Variants in PMM2 observed in about 807,000 individuals in gnomAD.
PMM2 encodes the protein mannose-6-phosphate isomerase.
In PMM2, 35 loss-of-function variants were observed where a neutral mutation model predicts 33.2. The ratio of observed to expected loss-of-function variants is 1.06; its 90% CI spans 0.81 to 1.40. The LOEUF is 1.40. PMM2 is among the 40% of genes most tolerant of loss of function. The pLI is 0.00. For synonymous variants in PMM2, 153 were observed against 114.7 expected, an observed-to-expected ratio of 1.33 and a Z score of -2.13; for missense variants, 386 against 306.0, an observed-to-expected ratio of 1.26 and a Z score of -1.95.
chr16:8,838,758 AATTAG>A (rs1334455728), intron 7 of PMM2, among the ~76,000 whole-genome samples: 2 of 152,080 alleles, frequency 1.3e-5, no homozygotes, highest in African/African-American at 2.4e-5. Context: ...TAGGACATCC[AATTAG>A]AGAGTGCGTA....
At chr16:8,834,801 G>A (rs1334318893) in intron 7 of PMM2, among the ~76,000 whole-genome samples, 2 of 152,180 alleles carry the variant, frequency 1.3e-5, no homozygotes, top group Non-Finnish European at 2.9e-5. Context: ...CGTGATCAGG[G>A]TGAGGAACAG....
At chr16:8,837,636 G>A (rs115208587) in intron 7 of PMM2, among the ~76,000 whole-genome samples, 4,497 of 151,830 alleles carry the variant, frequency 0.03, 206 homozygotes, top group African/African-American at 0.1. Context: ...GGATCGGGGC[G>A]CAGAGATACA....
At chr16:8,839,738 G>C (rs1174843947) in intron 7 of PMM2, among the ~76,000 whole-genome samples, 4 of 151,920 alleles carry the variant, frequency 2.6e-5, no homozygotes, top group Admixed American at 1.3e-4. Flanking sequence ...TTGGACTTTG[G>C]AGATGAAGAG....
rs531781905 is a variant in PMM2, at chr16:8,820,510, C to T, written c.639+7404C>T. Among the ~76,000 whole-genome samples, 5 of 152,182 alleles carry T rather than the reference C, an allele frequency of 3.3e-5. No individual in the cohort carries two copies. The South Asian group carries it at 6.2e-4, about 19-fold the overall frequency. ...CTGGGATTACCGGTGCCCACCACCA[C>T]GCCTGGCTAATTTTTGTATTTTTAG... On this transcript the variant is annotated intron_variant, in intron 7 of 7. Transcript: ENST00000268261.
chr16:8,825,155 C>T (rs544866700), intron 7 of PMM2, among the ~76,000 whole-genome samples: 4 of 152,076 alleles, frequency 2.6e-5, no homozygotes, highest in Admixed American at 6.6e-5. Context: ...TTCAGCCTCC[C>T]GAGTAGCTGG....
chr16:8,846,797 C>G (rs2060928522), intron 7 of PMM2, among the ~76,000 whole-genome samples: 2 of 152,222 alleles, frequency 1.3e-5, no homozygotes, highest in South Asian at 4.1e-4. Context: ...GAACCAGCAT[C>G]TGACCCAGGC....
rs201739911 is a variant in PMM2, at chr16:8,806,432, C to T, written c.347+25C>T. 3.3e-4 allele frequency: 475 copies of T among 1,420,908 alleles called. 2 individuals are homozygous for T. In the African/African-American group the frequency reaches 5.1e-3, roughly 15 times the overall value. 88.0% of individuals were successfully genotyped at this position (1,420,908 alleles called of 1,614,324 possible). A position where few individuals can be genotyped will look rare whatever the true frequency, so the allele number is the denominator to read the frequency against. On this transcript the variant is annotated intron_variant, in intron 4 of 7. Transcript: ENST00000268261. The stretch of plus-strand genomic sequence containing the variant: ...GGTGGGTTTGCTTTTAACAAAGAGG[C>T]GTCACAGGAACATAGCGTAGTGTCA...
intron 7 of PMM2, among the ~76,000 whole-genome samples, chr16:8,817,259 G>A (rs1288251923): frequency 6.6e-6 from 1 of 152,208 alleles, no homozygotes; most frequent in African/African-American, 2.4e-5. Flanking sequence ...TTGTTGAAAT[G>A]CTTTTGATGC....
intron 2 of PMM2, chr16:8,802,369 G>A (rs2060621579): frequency 2.3e-6 from 1 of 437,508 alleles, no homozygotes. Context: ...TAGGTCTGTG[G>A]AGCCTGGGAA....
intron 4 of PMM2, chr16:8,810,662 T>C (rs2060672266): frequency 3.3e-6 from 1 of 302,724 alleles, no homozygotes; most frequent in Non-Finnish European, 6.3e-6. Flanking sequence ...CTATAACCCC[T>C]ATCTCCCAGG....
At chr16:8,799,840 T>C (rs2060602909) in intron 1 of PMM2, among the ~76,000 whole-genome samples, 1 of 152,034 alleles carries the variant, frequency 6.6e-6, no homozygotes, top group Non-Finnish European at 1.5e-5. Context: ...GCCACCGTGT[T>C]CTGACTTTTA....
rs377683162 is a variant in PMM2, at chr16:8,813,102, T to C, written c.635T>C (p.Met212Thr). The C allele has an allele frequency of 1.3e-6, 2 of 1,563,908 alleles. No homozygotes were observed. The highest frequency in any genetic ancestry group is 1.8e-6 in the Non-Finnish European group (2 of 1,134,210). The part of the protein sequence containing the change: ...KTIYFFGDKT[M>T]PGGNDHEIFT... Reference sequence around the variant, plus strand: ...ATTTATTTCTTTGGAGACAAAACTATGCCAGTAAGTAGAGAAGTGTTTGTG... The same window carrying C: ...ATTTATTTCTTTGGAGACAAAACTACGCCAGTAAGTAGAGAAGTGTTTGTG... Residue 212 changes from methionine (M) to threonine (T), a missense_variant, in exon 7 of 8, where the codon ATG becomes ACG. Transcript: ENST00000268261.
chr16:8,802,108 C>A (rs536688588), intron 2 of PMM2, 198 bp downstream of exon 2: 2 of 569,104 alleles, frequency 3.5e-6, no homozygotes. Context: ...TGATGGAGAA[C>A]TGGGTACTCA....
chr16:8,800,637 T>G (rs999640475), intron 1 of PMM2, among the ~76,000 whole-genome samples: 3 of 151,786 alleles, frequency 2.0e-5, no homozygotes, highest in African/African-American at 7.3e-5. Flanking sequence ...TTTTGGGTGA[T>G]TGCAATAAAA....
At chr16:8,839,835 A>G (rs544728237) in intron 7 of PMM2, among the ~76,000 whole-genome samples, 17 of 150,320 alleles carry the variant, frequency 1.1e-4, no homozygotes, top group Non-Finnish European at 2.2e-4. Flanking sequence ...GGCCACAGGC[A>G]TAGTAGTTTG....
Position 8,804,843 on chromosome 16 carries a change from G to A in PMM2, c.255G>A (p.Gln85=), listed in dbSNP as rs115344041. 9 of 1,596,046 alleles carry A rather than the reference G, an allele frequency of 5.6e-6. No homozygotes were observed. The highest frequency in any genetic ancestry group is 2.2e-5 in the East Asian group (1 of 44,758). ...AYKDGKLLCR[Q]NIQSHLGEAL... ...AAGATGGGAAACTCTTGTGTAGACA[G>A]GTAGGTTCTTGAGTATCTGAATTAC... Residue 85 remains glutamine, a splice_region_variant and synonymous_variant, in exon 3 of 8, where the codon CAG becomes CAA. Coordinates refer to ENST00000268261, the MANE Select transcript of PMM2 (RefSeq NM_000303.3).
chr16:8,840,741 C>A (rs2060884397), intron 7 of PMM2, among the ~76,000 whole-genome samples: 1 of 151,972 alleles, frequency 6.6e-6, no homozygotes, highest in Non-Finnish European at 1.5e-5. Flanking sequence ...GGGGAGGATC[C>A]TGCAGGCGGA....
Position 8,847,987 on chromosome 16 carries a change from G to A in PMM2, c.*162G>A. ...GTCTGGACTTCCACCTCCAGTGCCA[G>A]AAACTTCCAGAAGGAAGGAGAAAAC... On this transcript the variant is annotated 3_prime_UTR_variant, in exon 8 of 8. Transcript: ENST00000268261. 1.6e-6 allele frequency: 1 copy of A among 624,240 alleles called. No homozygotes were observed. 38.7% of individuals were successfully genotyped at this position (624,240 alleles called of 1,614,324 possible). A position where few individuals can be genotyped will look rare whatever the true frequency, so the allele number is the denominator to read the frequency against.
At chr16:8,838,825 C>G (rs914722988) in intron 7 of PMM2, among the ~76,000 whole-genome samples, 2 of 151,934 alleles carry the variant, frequency 1.3e-5, no homozygotes, top group Non-Finnish European at 2.9e-5. Context: ...GGGCTCTATG[C>G]TTGAGTTTTT....
Sources: allele counts gnomAD v4.1 joint callset (sites outside exome capture counted in the v4.1 genomes callset), GRCh38; gene constraint gnomAD v4.1.1; transcripts MANE v1.5; gene names NCBI Gene and HGNC (gene_info 2026-07-23, HGNC 2026-07-21).